The following PLA2G4D variants were observed in gnomAD, a reference collection of about 807,000 sequenced individuals.
The protein encoded by PLA2G4D is phospholipase A2 group IVD.
In PLA2G4D, 80 loss-of-function variants were observed where a neutral mutation model predicts 94.4. The observed-to-expected ratio is 0.85, with a 90% CI of 0.71 to 1.02. The LOEUF (loss-of-function observed/expected upper bound fraction) is 1.02, where lower values mean the gene tolerates loss of function less well. Ranked by LOEUF, PLA2G4D falls within the 50% of genes least tolerant of loss-of-function variation. The pLI is 0.00. For synonymous variants in PLA2G4D, 438 were observed against 440.9 expected (o/e 0.99, Z 0.08); for missense variants, 1,050 against 1,034.7 (o/e 1.01, Z -0.20).
rs145256607 is a variant in PLA2G4D, at chr15:42,081,283, C to A, written c.958-150G>T. 457 of 1,430,274 alleles carry A rather than the reference C, an allele frequency of 3.2e-4. No individual in the cohort carries two copies. The African/African-American group carries it at 5.9e-3, about 18-fold the overall frequency. 88.6% of individuals were successfully genotyped at this position (1,430,274 alleles called of 1,614,324 possible). On this transcript the variant is annotated intron_variant, in intron 11 of 19. Coordinates refer to ENST00000290472, the MANE Select transcript of PLA2G4D (RefSeq NM_178034.4). ...CAGGGTTAGAGCTGGGTCCAGCCCT[C>A]CTCTGGAAGCAATGGCTCTCAGCTC...
At chr15:42,069,721 C>T (rs1889762709) in intron 19 of PLA2G4D, among the ~76,000 whole-genome samples, 188 bp downstream of exon 19, 1 of 152,174 alleles carries the variant, frequency 6.6e-6, no homozygotes. Flanking sequence ...AAACAGAGGG[C>T]CTGCAGGGAT....
At chr15:42,085,237 G>C (rs527586216) in intron 5 of PLA2G4D, 99 bp from the exon 6 acceptor site, 7 of 1,417,816 alleles carry the variant, frequency 4.9e-6, no homozygotes, top group Non-Finnish European at 7.0e-6. Context: ...GGCTCTGTAA[G>C]TCCTGGATTC....
At position 42,068,765 on chromosome 15, in the gene PLA2G4D, C is replaced by T. The variant is rs557149489; in HGVS notation, c.2407G>A (p.Ala803Thr). The T allele has an allele frequency of 2.7e-5, 43 of 1,612,718 alleles. No individual in the cohort carries two copies. Among genetic ancestry groups the T allele is most frequent in the East Asian group, 2.2e-4 (10 of 44,846 alleles). ...QGAILQALRT[A>T]LKHRTLEARP... is the part of the protein sequence containing the mutation. ...GCCTCTAGAGTCCGGTGCTTCAGCGCGGTCCTCAGGGCCTGCAGGATGGCA... is the reference window on the plus strand; with the variant it reads ...GCCTCTAGAGTCCGGTGCTTCAGCGTGGTCCTCAGGGCCTGCAGGATGGCA... The change falls in exon 20 of 20, where the codon GCG (alanine) becomes ACG (threonine). Residue 803 changes from alanine (A) to threonine (T), a missense_variant. Physicochemically the swap from Ala to Thr is moderately conservative, Grantham distance 58. Transcript: ENST00000290472.
chr15:42,081,669 GC>G, intron 10 of PLA2G4D, 55 bp from the exon 11 acceptor site: 1 of 1,610,018 alleles, frequency 6.2e-7, no homozygotes, highest in South Asian at 1.1e-5. Flanking sequence ...TCAGCCACTG[GC>G]TGGCCAAGCC....
chr15:42,079,909 C>T (rs1890004668), intron 12 of PLA2G4D, 150 bp from the exon 13 acceptor site: 1 of 657,664 alleles, frequency 1.5e-6, no homozygotes, highest in African/African-American at 1.9e-5. Flanking sequence ...GGCTTTCTCT[C>T]CTTCTAGATC....
At position 42,086,194 on chromosome 15, in the gene PLA2G4D, T is replaced by TGGGGGGGGGGGCCGCGCC; in HGVS notation, c.387+18_387+19insGGCGCGGCCCCCCCCCCC. Reference sequence around the variant, plus strand: ...GGAAGAAGTGGGGCCCACGGGGACTTCCCCACCCACCCACCCACCTGGGGA... The same window carrying TGGGGGGGGGGGCCGCGCC: ...GGAAGAAGTGGGGCCCACGGGGACTTGGGGGGGGGGGCCGCGCCCCCCACCCACCCACCCACCTGGGGA... On this transcript the variant is annotated intron_variant, in intron 4 of 19. Transcript: ENST00000290472. 7.3e-7 allele frequency: 1 copy of TGGGGGGGGGGGCCGCGCC among 1,370,444 alleles called. No homozygotes were observed. The highest frequency in any genetic ancestry group is 9.6e-7 in the Non-Finnish European group (1 of 1,043,084). 84.9% of individuals were successfully genotyped at this position (1,370,444 alleles called of 1,614,324 possible). A position where few individuals can be genotyped will look rare whatever the true frequency, so the allele number is the denominator to read the frequency against.
chr15:42,070,881 A>G lies in PLA2G4D; in HGVS notation c.1879T>C (p.Tyr627His). The change falls in exon 18 of 20, where the codon TAC becomes CAC. Residue 627 changes from tyrosine to histidine, a missense_variant and splice_region_variant. By Grantham distance (83) the Tyr-to-His change is moderately conservative. Coordinates refer to ENST00000290472, the MANE Select transcript of PLA2G4D (RefSeq NM_178034.4). ...TGGCTGGGCATGGAGTCAAGCTGGT[A>G]GTCTGGTGGGAATCGCAGGATGGTC... Reference protein sequence around the residue: ...SHKDFSTWADYQLDSMPSQLT... With the variant: ...SHKDFSTWADHQLDSMPSQLT... The G allele has an allele frequency of 6.2e-7, 1 of 1,610,872 alleles. No individual in the cohort carries two copies.
intron 2 of PLA2G4D, 38 bp from the exon 3 acceptor site, chr15:42,087,474 C>T: frequency 6.2e-7 from 1 of 1,613,156 alleles, no homozygotes; most frequent in Non-Finnish European, 8.5e-7. Context: ...GGGAGTACTC[C>T]CCACACCCCT....
At chr15:42,085,208 C>T (rs1320626259) in intron 5 of PLA2G4D, 70 bp from the exon 6 acceptor site, 5 of 1,573,310 alleles carry the variant, frequency 3.2e-6, no homozygotes, top group African/African-American at 1.3e-5. Context: ...CATGTGGGGT[C>T]TCCCTGGGTG....
intron 3 of PLA2G4D, 119 bp downstream of exon 3, chr15:42,087,181 A>AC (rs1338812239): frequency 6.1e-6 from 8 of 1,319,704 alleles, no homozygotes; most frequent in South Asian, 5.2e-5. Flanking sequence ...GGGCACAGAG[A>AC]CCCCCTACTG....
chr15:42,086,194 T>TGGGGGGGGCGCC lies in PLA2G4D; in HGVS notation c.387+18_387+19insGGCGCCCCCCCC. The TGGGGGGGGCGCC allele has an allele frequency of 5.8e-6, 8 of 1,370,440 alleles. No homozygotes were observed. The highest frequency in any genetic ancestry group is 7.7e-6 in the Non-Finnish European group (8 of 1,043,080). 84.9% of individuals were successfully genotyped at this position (1,370,440 alleles called of 1,614,324 possible). A position where few individuals can be genotyped will look rare whatever the true frequency, so the allele number is the denominator to read the frequency against. On this transcript the variant is annotated intron_variant, in intron 4 of 19. Coordinates refer to ENST00000290472, the MANE Select transcript of PLA2G4D (RefSeq NM_178034.4). Reference sequence around the variant, plus strand: ...GGAAGAAGTGGGGCCCACGGGGACTTCCCCACCCACCCACCCACCTGGGGA... The same window carrying TGGGGGGGGCGCC: ...GGAAGAAGTGGGGCCCACGGGGACTTGGGGGGGGCGCCCCCCACCCACCCACCCACCTGGGGA...
In PLA2G4D at chr15:42,071,277, C is replaced by T; in HGVS notation, c.1722G>A (p.Leu574=). The T allele has an allele frequency of 6.3e-7, 1 of 1,599,256 alleles. No individual in the cohort carries two copies. Among genetic ancestry groups the T allele is most frequent in the Non-Finnish European group, 8.5e-7 (1 of 1,175,740 alleles). Residue 574 remains leucine, a synonymous_variant, in exon 17 of 20, where the codon CTG becomes CTA. Coordinates refer to ENST00000290472, the MANE Select transcript of PLA2G4D (RefSeq NM_178034.4). The part of the protein sequence containing the change: ...PLTTSGTSSR[L]EASWLQPGTA... ...TGCCTGGCTGCAGCCACGAGGCCTC[C>T]AGCCGCGAGGAGGTCCCCGAGGTGG...
chr15:42,069,908 C>G lies in PLA2G4D; in HGVS notation c.2230+1G>C, dbSNP rs376117731. The G allele has an allele frequency of 7.1e-7, 1 of 1,412,734 alleles. No homozygotes were observed. Among genetic ancestry groups the G allele is most frequent in the African/African-American group, 1.5e-5 (1 of 65,704 alleles). The allele number at this position is 1,412,734 out of a possible 1,614,324, so 87.5% of individuals were successfully genotyped here. ...TGGGTGCTTGGGAGGGGCTGCCTCA[C>G]CGGGGGCTGAGTGGTCCTTGAAGGA... On this transcript the variant is annotated splice_donor_variant, in intron 19 of 19. Coordinates refer to ENST00000290472, the MANE Select transcript of PLA2G4D (RefSeq NM_178034.4). LOFTEE classifies it high-confidence loss of function.
At chr15:42,087,129 C>T (rs1005844785) in intron 3 of PLA2G4D, among the ~76,000 whole-genome samples, 171 bp downstream of exon 3, 7 of 152,154 alleles carry the variant, frequency 4.6e-5, no homozygotes, top group African/African-American at 1.4e-4. Flanking sequence ...GGACCATGTT[C>T]ATTCTTTCAT....
At chr15:42,079,375 T>A (rs1385176485) in intron 13 of PLA2G4D, among the ~76,000 whole-genome samples, 162 bp downstream of exon 13, 2 of 152,258 alleles carry the variant, frequency 1.3e-5, no homozygotes, top group African/African-American at 4.8e-5. Flanking sequence ...AATTAAAGAA[T>A]CTGCTAACTC....
Position 42,084,519 on chromosome 15 carries a change from G to C in PLA2G4D, c.471+577C>G, listed in dbSNP as rs577332153. Among the ~76,000 whole-genome samples, 492 of 152,314 alleles carry C rather than the reference G, an allele frequency of 3.2e-3. 1 individual carries two copies. Among genetic ancestry groups the C allele is most frequent in the Non-Finnish European group, 5.3e-3 (363 of 68,022 alleles). ...CGCCTGCTCCCAGGTCTGTGCTGCT[G>C]GTCTGGGTCACTGTGATAATCGAGC... On this transcript the variant is annotated intron_variant, in intron 6 of 19. Coordinates refer to ENST00000290472, the MANE Select transcript of PLA2G4D (RefSeq NM_178034.4). This position sits in a 1 kb window ranked among gnomAD's most constrained non-coding sequence, Gnocchi z 4.8.
chr15:42,085,408 T>C, intron 5 of PLA2G4D, 83 bp downstream of exon 5: 1 of 1,494,244 alleles, frequency 6.7e-7, no homozygotes, highest in Non-Finnish European at 9.3e-7. Context: ...CAGGCTGGAC[T>C]GACCACAGGG....
intron 4 of PLA2G4D, 143 bp downstream of exon 4, chr15:42,086,070 A>G: frequency 8.6e-6 from 8 of 929,732 alleles, no homozygotes; most frequent in Non-Finnish European, 1.3e-5. Flanking sequence ...GCTTATTAAA[A>G]TGCAAATCTA....
Position 42,094,397 on chromosome 15 carries a change from C to A in PLA2G4D, c.45+18G>T. 1 of 1,613,932 alleles carries A rather than the reference C, an allele frequency of 6.2e-7. No homozygotes were observed. Among genetic ancestry groups the A allele is most frequent in the Non-Finnish European group, 8.5e-7 (1 of 1,179,898 alleles). ...GCCTGCCCTGACTGGTGCCCACATG[C>A]TCTGCAGACACTGTTACCTGGTAAG... On this transcript the variant is annotated intron_variant, in intron 1 of 19. Coordinates refer to ENST00000290472, the MANE Select transcript of PLA2G4D (RefSeq NM_178034.4).
Sources: allele counts gnomAD v4.1 joint callset (sites outside exome capture counted in the v4.1 genomes callset), GRCh38; gene constraint gnomAD v4.1.1; non-coding constraint Gnocchi (gnomAD v3.1); transcripts MANE v1.5; gene names NCBI Gene and HGNC (gene_info 2026-07-23, HGNC 2026-07-21).